Variants in PDZRN4 observed in about 807,000 individuals in gnomAD.
The protein encoded by PDZRN4 is PDZ domain containing ring finger 4, also known as PDZ domain-containing RING finger protein 4.
Under a neutral mutation model 99.0 loss-of-function variants are expected in PDZRN4, and 70 were observed. That is an observed-to-expected ratio of 0.71 (90% CI 0.58 to 0.86). The LOEUF (loss-of-function observed/expected upper bound fraction) is 0.86. PDZRN4 is among the 40% of genes least tolerant of loss of function. The pLI is 0.00. For synonymous variants in PDZRN4, 551 were observed against 501.6 expected, an observed-to-expected ratio of 1.10 and a Z score of -1.32; for missense variants, 1,474 against 1,331.2, an observed-to-expected ratio of 1.11 and a Z score of -1.67.
intron 3 of PDZRN4, among the ~76,000 whole-genome samples, chr12:41,212,140 C>T (rs780082996): frequency 3.9e-5 from 6 of 151,960 alleles, no homozygotes; most frequent in Non-Finnish European, 7.4e-5. Flanking sequence ...TCCAAAATCT[C>T]TGTGGGCCCT....
chr12:41,460,147 C>T (rs1049440238), intron 3 of PDZRN4: 3 of 1,100,778 alleles, frequency 2.7e-6, no homozygotes, highest in East Asian at 6.0e-5. Context: ...TTTACTGTTA[C>T]CTTTTTATGT....
At chr12:41,517,939 CAT>C (rs1465254446) in intron 5 of PDZRN4, among the ~76,000 whole-genome samples, 4 of 151,986 alleles carry the variant, frequency 2.6e-5, no homozygotes, top group African/African-American at 4.8e-5. Context: ...CAAGTTAGCT[CAT>C]ATACATTTAC....
At chr12:41,247,915 C>A (rs1420640402) in intron 3 of PDZRN4, among the ~76,000 whole-genome samples, 3 of 152,150 alleles carry the variant, frequency 2.0e-5, no homozygotes, top group African/African-American at 7.2e-5. Flanking sequence ...AATTATCAGG[C>A]ATTTCAGCTA....
Position 41,555,717 on chromosome 12 carries a change from C to T in PDZRN4, c.1322C>T (p.Ala441Val). The T allele has an allele frequency of 6.2e-7, 1 of 1,613,980 alleles. No homozygotes were observed. The highest frequency in any genetic ancestry group is 1.7e-4 in the Middle Eastern group (1 of 6,060). Residue 441 changes from alanine (A) to valine (V), a missense_variant, in exon 7 of 10, where the codon GCT becomes GTT. By Grantham distance (64) the Ala-to-Val change is moderately conservative. Transcript: ENST00000402685. Reference protein sequence around the residue: ...YVSEVDPNSIAAKDGRIREGD... With the variant: ...YVSEVDPNSIVAKDGRIREGD... ...TTACAGGTTGACCCAAATAGCATTG[C>T]TGCCAAAGACGGCCGGATTCGAGAA...
intron 3 of PDZRN4, among the ~76,000 whole-genome samples, chr12:41,458,622 TAAGG>T (rs1952839466): frequency 9.2e-5 from 14 of 152,268 alleles, no homozygotes; most frequent in Admixed American, 8.5e-4. Context: ...CCAGATGAAG[TAAGG>T]AGCTTTGCAC....
intron 3 of PDZRN4, among the ~76,000 whole-genome samples, chr12:41,212,747 G>A (rs947837863): frequency 6.6e-6 from 1 of 151,936 alleles, no homozygotes; most frequent in African/African-American, 2.4e-5. Flanking sequence ...TAGAGTGGGT[G>A]GTTTTTATCT....
chr12:41,550,656 G>C (rs369655846), intron 5 of PDZRN4, among the ~76,000 whole-genome samples: 19 of 152,072 alleles, frequency 1.2e-4, no homozygotes, highest in Admixed American at 2.0e-4. Context: ...CTATAATATA[G>C]AGTATCTTTG....
chr12:41,574,619 C>G lies in PDZRN4; in HGVS notation c.*729C>G, dbSNP rs1939548434. ...AGGAGTGTTTTATTTTCCTTGTCCA[C>G]AGTGGTTGACAGTTATAAAGTAGTT... On this transcript the variant is annotated 3_prime_UTR_variant, in exon 10 of 10. Coordinates refer to ENST00000402685, the MANE Select transcript of PDZRN4 (RefSeq NM_001164595.2). 6.6e-6 allele frequency: 1 copy of G among 152,488 alleles called. No individual in the cohort carries two copies. Among genetic ancestry groups the G allele is most frequent in the Non-Finnish European group, 1.5e-5 (1 of 68,028 alleles). 9.4% of individuals were successfully genotyped at this position (152,488 alleles called of 1,614,324 possible).
chr12:41,294,272 T>A (rs1951475711), intron 3 of PDZRN4, among the ~76,000 whole-genome samples: 1 of 152,188 alleles, frequency 6.6e-6, no homozygotes, highest in Admixed American at 6.5e-5. Flanking sequence ...GCAAGTCACT[T>A]GCCATCTCAC....
intron 3 of PDZRN4, among the ~76,000 whole-genome samples, chr12:41,476,226 T>C (rs1354204388): frequency 1.3e-5 from 2 of 152,220 alleles, no homozygotes; most frequent in Non-Finnish European, 2.9e-5. Flanking sequence ...TGTTTCTCTT[T>C]GTTAGGTTGA....
At chr12:41,399,036 T>C (rs1395135682) in intron 3 of PDZRN4, among the ~76,000 whole-genome samples, 1 of 152,138 alleles carries the variant, frequency 6.6e-6, no homozygotes, top group Non-Finnish European at 1.5e-5. Context: ...ATTTGAATTA[T>C]TTTTTAAGGA....
At position 41,403,236 on chromosome 12, in the gene PDZRN4, T is replaced by C. The variant is rs182050193; in HGVS notation, c.844-103220T>C. On this transcript the variant is annotated intron_variant, in intron 3 of 9. Transcript: ENST00000402685. The stretch of plus-strand genomic sequence containing the variant: ...GGCTAGGAAACCTCGGGGTGAAAGT[T>C]TGGGAAAATATCTGCTCTTTTTCGT... Among the ~76,000 whole-genome samples the C allele has an allele frequency of 2.5e-3, 375 of 152,256 alleles. 1 individual carries two copies. Among genetic ancestry groups the C allele is most frequent in the Admixed American group, 5.4e-3 (83 of 15,276 alleles).
At chr12:41,204,345 C>T (rs112192686) in intron 3 of PDZRN4, among the ~76,000 whole-genome samples, 3,322 of 152,062 alleles carry the variant, frequency 0.022, 64 homozygotes, top group Middle Eastern at 0.044. Context: ...TGATGGATTA[C>T]CCTCTGGACA....
At chr12:41,503,476 A>C (rs1323419521) in intron 3 of PDZRN4, among the ~76,000 whole-genome samples, 1 of 152,234 alleles carries the variant, frequency 6.6e-6, no homozygotes, top group Admixed American at 6.5e-5. Flanking sequence ...CATACTAAGC[A>C]TTACAATAAT....
At chr12:41,560,118 A>G (rs899873884) in intron 7 of PDZRN4, among the ~76,000 whole-genome samples, 5 of 151,462 alleles carry the variant, frequency 3.3e-5, no homozygotes, top group Admixed American at 1.3e-4. Context: ...TTTCCTCCCT[A>G]TTTCTGTTTT....
intron 5 of PDZRN4, among the ~76,000 whole-genome samples, chr12:41,517,534 C>T (rs1938422303): frequency 6.6e-6 from 1 of 151,988 alleles, no homozygotes; most frequent in Admixed American, 6.6e-5. Flanking sequence ...ATTAAAGATT[C>T]TAATATTCTT....
intron 3 of PDZRN4, chr12:41,411,585 T>C (rs566503571): frequency 6.6e-6 from 1 of 152,312 alleles, no homozygotes; most frequent in South Asian, 2.1e-4. Context: ...CATCCTGAGT[T>C]TGACTTTTTA....
intron 3 of PDZRN4, among the ~76,000 whole-genome samples, chr12:41,360,354 C>T (rs2121056996): frequency 6.6e-6 from 1 of 152,076 alleles, no homozygotes; most frequent in Middle Eastern, 3.4e-3. Context: ...GCTGGAAATT[C>T]AAATATAAAA....
At chr12:41,368,538 C>G (rs1292160662) in intron 3 of PDZRN4, among the ~76,000 whole-genome samples, 6 of 151,974 alleles carry the variant, frequency 3.9e-5, no homozygotes, top group Non-Finnish European at 8.8e-5. Context: ...CAAACAGAAG[C>G]TGTCAGCCAT....
Sources: allele counts gnomAD v4.1 joint callset (sites outside exome capture counted in the v4.1 genomes callset), GRCh38; gene constraint gnomAD v4.1.1; transcripts MANE v1.5; gene names NCBI Gene and HGNC (gene_info 2026-07-23, HGNC 2026-07-21).